Variants in ADAMTS6 observed in about 807,000 individuals in gnomAD.
ADAMTS6 encodes A disintegrin and metalloproteinase with thrombospondin motifs 6.
In ADAMTS6, 23 loss-of-function variants were observed where a neutral mutation model predicts 144.3. The ratio of observed to expected loss-of-function variants is 0.16; its 90% CI spans 0.11 to 0.23. The LOEUF (loss-of-function observed/expected upper bound fraction) is 0.23. ADAMTS6 is among the 10% of genes least tolerant of loss of function. The pLI is 1.00. For synonymous variants in ADAMTS6, 444 were observed against 457.5 expected, an observed-to-expected ratio of 0.97 and a Z score of 0.38; for missense variants, 999 against 1,379.6, an observed-to-expected ratio of 0.72 and a Z score of 4.37.
Position 65,471,134 on chromosome 5 carries a change from G to A in ADAMTS6, c.106C>T (p.Leu36=), listed in dbSNP as rs1402676702. The A allele has an allele frequency of 1.3e-6, 2 of 1,581,712 alleles. No individual in the cohort carries two copies. Among genetic ancestry groups the A allele is most frequent in the Non-Finnish European group, 1.7e-6 (2 of 1,170,834 alleles). ...RLSYSSQEEF[L]TYLEHYQLTI... is the part of the protein sequence containing the mutation. Reference sequence around the variant, plus strand: ...AGCTGGTAGTGTTCAAGATAAGTCAGGAATTCCTCTTTGTAATCACAAGGC... The same window carrying A: ...AGCTGGTAGTGTTCAAGATAAGTCAAGAATTCCTCTTTGTAATCACAAGGC... The change falls in exon 3 of 25, where the codon CTG becomes TTG. Residue 36 remains leucine (L), a synonymous_variant. Transcript: ENST00000381055.
chr5:65,219,714 A>G (rs981730507), intron 18 of ADAMTS6, among the ~76,000 whole-genome samples: 20 of 152,212 alleles, frequency 1.3e-4, no homozygotes, highest in Admixed American at 2.6e-4. Context: ...GACTGGTCAT[A>G]GAATATTATC....
rs61525269 is a variant in ADAMTS6, at chr5:65,313,128, A to AACACACAC, written c.1224-13005_1224-12998dup. On this transcript the variant is annotated intron_variant, in intron 9 of 24. Coordinates refer to ENST00000381055, the MANE Select transcript of ADAMTS6 (RefSeq NM_197941.4). ...ATTTCAGTAGTTTTATTATTTCTGC[A>AACACACAC]ACACACACACACACACACACACACA... is the stretch of plus-strand genomic sequence containing the variant. 2.5e-3 allele frequency among the ~76,000 whole-genome samples: 344 copies of AACACACAC among 135,842 alleles called. 1 individual carries two copies. Among genetic ancestry groups the AACACACAC allele is most frequent in the East Asian group, 8.8e-3 (41 of 4,660 alleles). The allele number at this position is 135,842 out of a possible 152,430, so 89.1% of individuals were successfully genotyped here.
chr5:65,416,195 C>A, intron 7 of ADAMTS6: 1 of 166,330 alleles, frequency 6.0e-6, no homozygotes, highest in South Asian at 1.6e-4. Flanking sequence ...TGCAGAGGAC[C>A]CAGGCTCCAG....
chr5:65,242,392 T>G (rs1018321759), intron 14 of ADAMTS6, among the ~76,000 whole-genome samples, 186 bp from the exon 15 acceptor site: 2 of 152,230 alleles, frequency 1.3e-5, no homozygotes, highest in Non-Finnish European at 2.9e-5. Flanking sequence ...ATCTTAACTA[T>G]AGAAGATATA....
chr5:65,277,174 T>C (rs916577079), intron 11 of ADAMTS6, among the ~76,000 whole-genome samples: 1 of 152,152 alleles, frequency 6.6e-6, no homozygotes, highest in Non-Finnish European at 1.5e-5. Context: ...CAACTTCCAA[T>C]CAGTTAGGAG....
intron 7 of ADAMTS6, among the ~76,000 whole-genome samples, chr5:65,377,433 CT>C (rs921259633): frequency 5.3e-5 from 8 of 152,204 alleles, no homozygotes; most frequent in African/African-American, 1.9e-4. Flanking sequence ...ACATTACTAT[CT>C]TTAAATACCT....
chr5:65,197,207 G>C (rs574388407), intron 20 of ADAMTS6, 56 bp from the exon 21 acceptor site: 10 of 1,585,478 alleles, frequency 6.3e-6, no homozygotes, highest in Non-Finnish European at 7.7e-6. Context: ...CATTAAGTTA[G>C]GTATGCATAG....
At chr5:65,340,416 C>T (rs529736149) in intron 7 of ADAMTS6, among the ~76,000 whole-genome samples, 77 of 151,960 alleles carry the variant, frequency 5.1e-4, no homozygotes, top group Non-Finnish European at 8.7e-4. Flanking sequence ...TAACCATCAT[C>T]ATGAAAACAT....
chr5:65,450,036 A>G (rs1758613979), intron 7 of ADAMTS6, among the ~76,000 whole-genome samples: 1 of 152,222 alleles, frequency 6.6e-6, no homozygotes, highest in African/African-American at 2.4e-5. Flanking sequence ...TATAACAGAT[A>G]TCTTCTTCTA....
At chr5:65,437,117 CAG>C (rs1580706268) in intron 7 of ADAMTS6, among the ~76,000 whole-genome samples, 1 of 146,552 alleles carries the variant, frequency 6.8e-6, no homozygotes, top group East Asian at 2.0e-4. Flanking sequence ...TTTTTTGAGA[CAG>C]AGTCTCGCTC....
intron 7 of ADAMTS6, among the ~76,000 whole-genome samples, chr5:65,378,460 G>A (rs1198057310): frequency 6.6e-6 from 1 of 151,884 alleles, no homozygotes; most frequent in Non-Finnish European, 1.5e-5. Flanking sequence ...TCTACTTCCA[G>A]GCTCTCCCCA....
intron 7 of ADAMTS6, among the ~76,000 whole-genome samples, chr5:65,419,581 A>G (rs975550627): frequency 2.6e-5 from 4 of 152,234 alleles, no homozygotes; most frequent in Admixed American, 2.6e-4. Context: ...AAAGAAAAAT[A>G]TTTTTGAATT....
At chr5:65,342,469 C>A (rs1747940797) in intron 7 of ADAMTS6, among the ~76,000 whole-genome samples, 1 of 152,200 alleles carries the variant, frequency 6.6e-6, no homozygotes, top group East Asian at 1.9e-4. Context: ...CGGGTCCCTC[C>A]CACAACATGT....
At position 65,299,999 on chromosome 5, in the gene ADAMTS6, G is replaced by A; in HGVS notation, c.1356C>T (p.Ile452=). ...AGATTACTTACTCTAGAAAGCTGGT[G>A]ATGTAGTCTCGACTGCAAGCAGACC... ...FSWSACSRDY[I]TSFLDSGRGT... is the part of the protein sequence containing the mutation. Residue 452 remains isoleucine (I), a synonymous_variant, in exon 10 of 25, where the codon ATC becomes ATT. Coordinates refer to ENST00000381055, the MANE Select transcript of ADAMTS6 (RefSeq NM_197941.4). 1.2e-6 allele frequency: 2 copies of A among 1,613,584 alleles called. No homozygotes were observed. The highest frequency in any genetic ancestry group is 1.7e-6 in the Non-Finnish European group (2 of 1,179,824).
At chr5:65,377,818 T>G (rs1751695825) in intron 7 of ADAMTS6, among the ~76,000 whole-genome samples, 1 of 152,210 alleles carries the variant, frequency 6.6e-6, no homozygotes, top group Admixed American at 6.5e-5. Context: ...ATATCACAAT[T>G]TCTGGAGGGT....
intron 7 of ADAMTS6, among the ~76,000 whole-genome samples, chr5:65,415,194 AAAG>A (rs1461372459): frequency 6.6e-6 from 1 of 152,254 alleles, no homozygotes; most frequent in African/African-American, 2.4e-5. Flanking sequence ...ACATTTCTCC[AAAG>A]AAGATATACA....
intron 9 of ADAMTS6, among the ~76,000 whole-genome samples, chr5:65,300,474 A>C (rs1743249283): frequency 6.6e-6 from 1 of 152,202 alleles, no homozygotes; most frequent in Non-Finnish European, 1.5e-5. Context: ...TAAAGATCAC[A>C]CAGTTTGTCA....
chr5:65,443,713 T>C (rs1002262149), intron 7 of ADAMTS6, among the ~76,000 whole-genome samples: 1 of 147,308 alleles, frequency 6.8e-6, no homozygotes, highest in Non-Finnish European at 1.5e-5. Context: ...AGATAAACTA[T>C]ATGATTATCT....
intron 7 of ADAMTS6, 77 bp downstream of exon 7, chr5:65,451,398 C>A (rs1210649151): frequency 6.4e-7 from 1 of 1,560,148 alleles, no homozygotes; most frequent in South Asian, 1.2e-5. Context: ...CTGAATGAGG[C>A]TTTACATAGA....
Sources: allele counts gnomAD v4.1 joint callset (sites outside exome capture counted in the v4.1 genomes callset), GRCh38; gene constraint gnomAD v4.1.1; transcripts MANE v1.5; gene names NCBI Gene and HGNC (gene_info 2026-07-23, HGNC 2026-07-21).